The following GRIK2 variants were observed in gnomAD, a reference collection of about 807,000 sequenced individuals.
GRIK2 encodes glutamate receptor ionotropic, kainate 2.
Under a neutral mutation model 100.3 loss-of-function variants are expected in GRIK2, and 32 were observed. The ratio of observed to expected loss-of-function variants is 0.32; its 90% confidence interval spans 0.24 to 0.43. The LOEUF (loss-of-function observed/expected upper bound fraction) is 0.43. Ranked by LOEUF, GRIK2 falls within the 20% of genes least tolerant of loss-of-function variation. GRIK2 has a pLI of 1.00. For synonymous variants in GRIK2, 417 were observed against 389.4 expected (o/e 1.07, Z -0.83); for missense variants, 843 against 1,114.9 (o/e 0.76, Z 3.47).
intron 2 of GRIK2, among the ~76,000 whole-genome samples, chr6:101,537,454 G>GTT (rs1775766564): frequency 7.6e-6 from 1 of 131,016 alleles, no homozygotes; most frequent in Admixed American, 7.9e-5. Flanking sequence ...GTGTGTGTGT[G>GTT]CGTGTGTGTG....
intron 2 of GRIK2, among the ~76,000 whole-genome samples, chr6:101,401,918 C>T (rs934514212): frequency 2.6e-4 from 39 of 152,118 alleles, no homozygotes; most frequent in African/African-American, 9.2e-4. Context: ...TCCCTTCCAT[C>T]CCCCACCCTT....
chr6:101,792,958 T>C (rs1269587467), intron 7 of GRIK2, among the ~76,000 whole-genome samples: 1 of 152,194 alleles, frequency 6.6e-6, no homozygotes, highest in Non-Finnish European at 1.5e-5. Context: ...TTCATTCATT[T>C]CATCTTCCAT....
chr6:101,479,769 A>G (rs1772432348), intron 2 of GRIK2, among the ~76,000 whole-genome samples: 1 of 152,202 alleles, frequency 6.6e-6, no homozygotes, highest in African/African-American at 2.4e-5. Flanking sequence ...TTTACCTGTA[A>G]AAACTGACAA....
chr6:102,031,118 C>T (rs1373943948), intron 14 of GRIK2, among the ~76,000 whole-genome samples: 1 of 130,026 alleles, frequency 7.7e-6, no homozygotes, highest in Non-Finnish European at 1.6e-5. Context: ...CACACACACA[C>T]ACACACACAC....
intron 15 of GRIK2, among the ~76,000 whole-genome samples, chr6:102,050,669 G>A (rs1003625792): frequency 7.1e-6 from 1 of 140,314 alleles, no homozygotes; most frequent in Non-Finnish European, 1.5e-5. Context: ...AAAAAAAAAC[G>A]GAATAAGAAA....
chr6:101,468,185 C>T (rs964636506), intron 2 of GRIK2, among the ~76,000 whole-genome samples: 4 of 152,120 alleles, frequency 2.6e-5, no homozygotes. Flanking sequence ...TTGCATGTGT[C>T]CCACACCAGC....
chr6:101,892,848 A>C (rs1787196036), intron 12 of GRIK2, among the ~76,000 whole-genome samples: 1 of 151,550 alleles, frequency 6.6e-6, no homozygotes, highest in Admixed American at 6.6e-5. Flanking sequence ...ATCTTGTTTA[A>C]AATATTTCTG....
At chr6:102,005,570 AC>A (rs1321175359) in intron 14 of GRIK2, among the ~76,000 whole-genome samples, 1 of 152,080 alleles carries the variant, frequency 6.6e-6, no homozygotes, top group Non-Finnish European at 1.5e-5. Flanking sequence ...CATTTATATA[AC>A]CTTTCCATAA....
chr6:102,046,465 C>G (rs956924332), intron 15 of GRIK2, among the ~76,000 whole-genome samples: 4 of 151,986 alleles, frequency 2.6e-5, no homozygotes, highest in Admixed American at 6.6e-5. Flanking sequence ...CTCACGAGAT[C>G]TGATGGTTAA....
At chr6:101,850,809 T>C (rs1180841127) in intron 10 of GRIK2, among the ~76,000 whole-genome samples, 1 of 152,082 alleles carries the variant, frequency 6.6e-6, no homozygotes, top group Non-Finnish European at 1.5e-5. Context: ...TTTAAGACTA[T>C]ATGAGAAATC....
intron 14 of GRIK2, among the ~76,000 whole-genome samples, chr6:102,008,532 C>G (rs1307925675): frequency 6.6e-6 from 1 of 151,906 alleles, no homozygotes; most frequent in African/African-American, 2.4e-5. Flanking sequence ...AAAGAAGACT[C>G]GTGTGACCCA....
intron 14 of GRIK2, among the ~76,000 whole-genome samples, chr6:101,997,131 CAACT>C (rs1351058598): frequency 2.0e-5 from 3 of 151,958 alleles, no homozygotes; most frequent in Non-Finnish European, 4.4e-5. Context: ...TTACAATAAC[CAACT>C]AAGGTAAAGA....
At position 101,960,048 on chromosome 6, in the gene GRIK2, G is replaced by GTTTTTTTTTTT. The variant is rs3029100; in HGVS notation, c.2085+31420_2085+31421insTTTTTTTTTTT. On this transcript the variant is annotated intron_variant, in intron 14 of 16. Coordinates refer to ENST00000369134, the MANE Select transcript of GRIK2 (RefSeq NM_021956.5). ...TTATTTCTCAAAGCCTTTTTTTAGT[G>GTTTTTTTTTTT]TTTTGTTTTTTTTTTTTTGTCTGAC... 3.2e-4 allele frequency among the ~76,000 whole-genome samples: 38 copies of GTTTTTTTTTTT among 118,228 alleles called. 1 individual carries two copies. The highest frequency in any genetic ancestry group is 7.5e-4 in the East Asian group (3 of 3,974). 77.6% of individuals were successfully genotyped at this position (118,228 alleles called of 152,430 possible).
At chr6:101,586,057 C>A (rs566463352) in intron 2 of GRIK2, among the ~76,000 whole-genome samples, 2 of 152,086 alleles carry the variant, frequency 1.3e-5, no homozygotes, top group Admixed American at 1.3e-4. Flanking sequence ...CAATGCAATG[C>A]TGGGTTTTAG....
At position 101,660,483 on chromosome 6, in the gene GRIK2, C is replaced by T. The variant is rs2895468; in HGVS notation, c.542-16140C>T. 1.9e-3 allele frequency among the ~76,000 whole-genome samples: 289 copies of T among 152,232 alleles called. 7 individuals are homozygous for T. Among genetic ancestry groups the T allele is most frequent in the Admixed American group, 0.017 (255 of 15,290 alleles). ...CTGAAGCCTACTTCTGTCAATTCATCAAACTCATTCTCTTCCAGTTTTATT... is the reference window on the plus strand; with the variant it reads ...CTGAAGCCTACTTCTGTCAATTCATTAAACTCATTCTCTTCCAGTTTTATT... On this transcript the variant is annotated intron_variant, in intron 4 of 16. Transcript: ENST00000369134.
chr6:101,776,941 C>T (rs1320379054), intron 7 of GRIK2, among the ~76,000 whole-genome samples: 17 of 152,148 alleles, frequency 1.1e-4, no homozygotes, highest in Admixed American at 1.1e-3. Flanking sequence ...AAACTGGTTC[C>T]TTGTTCTGGA....
chr6:101,793,730 C>G (rs1780070906), intron 7 of GRIK2, among the ~76,000 whole-genome samples: 1 of 152,164 alleles, frequency 6.6e-6, no homozygotes. Flanking sequence ...AACCACTGCT[C>G]TCTTCAAAGC....
intron 2 of GRIK2, among the ~76,000 whole-genome samples, chr6:101,534,389 T>C (rs1041197123): frequency 1.3e-5 from 2 of 151,914 alleles, no homozygotes. Flanking sequence ...GTTATGCTGT[T>C]TCTAAATACA....
At chr6:101,500,552 G>T (rs938619994) in intron 2 of GRIK2, among the ~76,000 whole-genome samples, 1 of 151,980 alleles carries the variant, frequency 6.6e-6, no homozygotes, top group Non-Finnish European at 1.5e-5. Context: ...TATACTCAAA[G>T]TTTTCGGTCT....
Sources: gnomAD v4.1 joint callset for allele counts (sites outside exome capture counted in the v4.1 genomes callset) on GRCh38, gnomAD v4.1.1 for gene constraint, MANE v1.5 for transcripts, NCBI Gene and HGNC (gene_info 2026-07-23, HGNC 2026-07-21) for gene names.